Variants in GLI3 observed in about 807,000 individuals in gnomAD.
The protein encoded by GLI3 is GLI family zinc finger 3, also known as transcription activator GLI3.
GLI3 carries 20 observed loss-of-function variants against 100.8 expected under a neutral mutation model. That is an observed-to-expected ratio of 0.20 (90% CI 0.14 to 0.29). The LOEUF (loss-of-function observed/expected upper bound fraction) is 0.29. GLI3 is among the 10% of genes least tolerant of loss of function. GLI3 has a pLI of 1.00. For missense variants in GLI3, 2,040 were observed against 2,128.5 expected (o/e 0.96, Z 0.82); for synonymous variants, 938 against 860.5 (o/e 1.09, Z -1.58).
chr7:42,235,094 A>G (rs1788764513), intron 1 of GLI3, among the ~76,000 whole-genome samples: 1 of 152,190 alleles, frequency 6.6e-6, no homozygotes, highest in African/African-American at 2.4e-5. Context: ...TAGAAAAATT[A>G]AGAGATTTTG....
At chr7:42,245,988 G>T (rs547750141) in intron 1 of GLI3, among the ~76,000 whole-genome samples, 1 of 152,076 alleles carries the variant, frequency 6.6e-6, no homozygotes, top group South Asian at 2.1e-4. Flanking sequence ...AAACTGGAGG[G>T]TTGTGTGGCA....
chr7:42,125,449 T>C (rs1012991989), intron 3 of GLI3, among the ~76,000 whole-genome samples: 1 of 152,170 alleles, frequency 6.6e-6, no homozygotes, highest in African/African-American at 2.4e-5. Flanking sequence ...ATAGCAGGCT[T>C]CCACGGCAAT....
chr7:42,175,718 C>A (rs915738056), intron 2 of GLI3, among the ~76,000 whole-genome samples: 3 of 151,942 alleles, frequency 2.0e-5, no homozygotes, highest in African/African-American at 7.3e-5. Context: ...CATTAAAAAC[C>A]ATTAACTCTA....
chr7:41,989,547 G>A (rs1183767888), intron 10 of GLI3, among the ~76,000 whole-genome samples: 1 of 152,152 alleles, frequency 6.6e-6, no homozygotes, highest in Non-Finnish European at 1.5e-5. Flanking sequence ...CCAGCATACG[G>A]AGAAAGCATT....
intron 3 of GLI3, among the ~76,000 whole-genome samples, chr7:42,095,135 C>T (rs949253694): frequency 4.6e-5 from 7 of 152,304 alleles, no homozygotes; most frequent in South Asian, 2.1e-4. Context: ...TTTCCAGCAT[C>T]GGTCCTCCAA....
intron 2 of GLI3, among the ~76,000 whole-genome samples, chr7:42,206,594 A>G (rs1788158361): frequency 6.6e-6 from 1 of 152,178 alleles, no homozygotes; most frequent in Non-Finnish European, 1.5e-5. Flanking sequence ...AGTTCTACAA[A>G]GGTGTTCCTC....
At position 42,103,024 on chromosome 7, in the gene GLI3, C is replaced by T. The variant is rs375012907; in HGVS notation, c.368-26167G>A. ...AATAGTGAACATGTACTAACTCACA[C>T]TTTTGGAGGGTAGAGAATCCGGAAG... On this transcript the variant is annotated intron_variant, in intron 3 of 14. Coordinates refer to ENST00000395925, the MANE Select transcript of GLI3 (RefSeq NM_000168.6). 1.1e-4 allele frequency among the ~76,000 whole-genome samples: 17 copies of T among 152,312 alleles called. No individual in the cohort carries two copies. In the South Asian group the frequency reaches 3.5e-3, roughly 32 times the overall value.
intron 2 of GLI3, among the ~76,000 whole-genome samples, chr7:42,186,333 C>A (rs1031070100): frequency 1.1e-4 from 17 of 152,150 alleles, no homozygotes; most frequent in Admixed American, 1.0e-3. Flanking sequence ...TAAAATCCAC[C>A]CTCTCCGCCT....
intron 3 of GLI3, among the ~76,000 whole-genome samples, chr7:42,099,441 G>A (rs1431167584): frequency 6.6e-6 from 1 of 152,070 alleles, no homozygotes; most frequent in Non-Finnish European, 1.5e-5. Context: ...TTCGTTAACA[G>A]TAAACATATT....
chr7:42,041,786 C>T (rs956237682), intron 6 of GLI3, among the ~76,000 whole-genome samples: 5 of 152,100 alleles, frequency 3.3e-5, no homozygotes, highest in African/African-American at 1.2e-4. Flanking sequence ...ATATGAATGA[C>T]TTCATTGTCA....
chr7:42,245,451 G>A (rs1193220131), intron 1 of GLI3, among the ~76,000 whole-genome samples: 5 of 152,166 alleles, frequency 3.3e-5, no homozygotes, highest in African/African-American at 7.2e-5. Flanking sequence ...AGGCTGAGGC[G>A]GGTGGATCAT....
At chr7:42,150,211 A>C (rs1422542313) in intron 2 of GLI3, 1 of 152,232 alleles carries the variant, frequency 6.6e-6, no homozygotes, top group African/African-American at 2.4e-5. Context: ...AAACAAAAAA[A>C]ATCCTGTAAT....
At chr7:42,165,858 A>G (rs969164147) in intron 2 of GLI3, among the ~76,000 whole-genome samples, 2 of 152,244 alleles carry the variant, frequency 1.3e-5, no homozygotes, top group Admixed American at 1.3e-4. Flanking sequence ...CCATAGATGA[A>G]AATCCAAAAC....
chr7:42,077,807 G>T (rs77846892), intron 3 of GLI3, among the ~76,000 whole-genome samples: 2,498 of 152,128 alleles, frequency 0.016, 33 homozygotes, highest in Non-Finnish European at 0.024. Context: ...CATGACTGAT[G>T]AGTCAAGGTT....
intron 3 of GLI3, among the ~76,000 whole-genome samples, chr7:42,130,973 G>A (rs1289074475): frequency 1.3e-5 from 2 of 152,150 alleles, no homozygotes; most frequent in East Asian, 1.9e-4. Flanking sequence ...ATGTAGTGAT[G>A]CCTTAAAAGA....
intron 2 of GLI3, among the ~76,000 whole-genome samples, chr7:42,148,769 C>G (rs375563843): frequency 6.6e-6 from 1 of 152,164 alleles, no homozygotes; most frequent in Non-Finnish European, 1.5e-5. Flanking sequence ...TGGGTCTGCC[C>G]ATGAGGTTTC....
intron 10 of GLI3, among the ~76,000 whole-genome samples, chr7:41,988,904 T>A (rs1787902956): frequency 6.6e-6 from 1 of 152,214 alleles, no homozygotes; most frequent in Non-Finnish European, 1.5e-5. Flanking sequence ...AGTTGCCTTT[T>A]GTTAAAGAGC....
At position 41,967,645 on chromosome 7, in the gene GLI3, G is replaced by T. The variant is rs1226324102; in HGVS notation, c.2382C>A (p.Asn794Lys). 1.2e-6 allele frequency: 2 copies of T among 1,613,988 alleles called. No individual in the cohort carries two copies. The highest frequency in any genetic ancestry group is 4.5e-5 in the East Asian group (2 of 44,870). ...KQVNGMFPRL[N>K]PILPPKAPAV... ...CAGGGGCTTTAGGGGGTAGAATGGG[G>T]TTCAGTCGCGGAAACATTCCATTCA... The change falls in exon 14 of 15, where the codon AAC (asparagine) becomes AAA (lysine). Residue 794 changes from asparagine (N) to lysine (K), a missense_variant. Around this residue, in one of 5 missense-constraint regions of GLI3, gnomAD observed 327 missense variants for 338.7 expected, o/e 0.97. Transcript: ENST00000395925.
At chr7:41,979,999 T>A (rs1234754428) in intron 10 of GLI3, among the ~76,000 whole-genome samples, 2 of 152,230 alleles carry the variant, frequency 1.3e-5, no homozygotes, top group African/African-American at 2.4e-5. Flanking sequence ...AAAAAAGTTT[T>A]ACAAAAGTAA....
Sources: allele counts gnomAD v4.1 joint callset (sites outside exome capture counted in the v4.1 genomes callset), GRCh38; gene constraint gnomAD v4.1.1; regional missense constraint gnomAD v4.1.1; transcripts MANE v1.5; gene names NCBI Gene and HGNC (gene_info 2026-07-23, HGNC 2026-07-21).